Variants in SORT1 observed in about 807,000 individuals in gnomAD.
The protein encoded by SORT1 is sortilin.
In SORT1, 39 loss-of-function variants were observed where a neutral mutation model predicts 101.7. The ratio of observed to expected loss-of-function variants is 0.38; its 90% CI spans 0.30 to 0.50. SORT1 has a LOEUF of 0.50. Among genes scored for constraint, SORT1 ranks in the 20% least tolerant of loss-of-function variants. SORT1 has a pLI of 0.90. For missense variants in SORT1, 878 were observed against 1,040.4 expected (o/e 0.84, Z 2.15); for synonymous variants, 396 against 393.7 (o/e 1.01, Z -0.07).
At chr1:109,352,647 A>G (rs1650042224) in intron 5 of SORT1, among the ~76,000 whole-genome samples, 1 of 152,204 alleles carries the variant, frequency 6.6e-6, no homozygotes, top group Non-Finnish European at 1.5e-5. Context: ...TAATACTCAC[A>G]TCCTAGCATT....
intron 4 of SORT1, 133 bp from the exon 5 acceptor site, chr1:109,354,664 T>A: frequency 1.5e-6 from 1 of 673,294 alleles, no homozygotes. Context: ...TAAAAACTGA[T>A]TAGTTGTTCC....
chr1:109,322,514 C>T (rs965993113), intron 15 of SORT1, among the ~76,000 whole-genome samples: 1 of 152,112 alleles, frequency 6.6e-6, no homozygotes, highest in Non-Finnish European at 1.5e-5. Flanking sequence ...AGCAGTTCTC[C>T]ACTCTTGGGG....
intron 3 of SORT1, among the ~76,000 whole-genome samples, chr1:109,359,820 G>C (rs923179077): frequency 6.6e-6 from 1 of 152,004 alleles, no homozygotes; most frequent in African/African-American, 2.4e-5. Context: ...ACTTGTTCCA[G>C]CATCAACTCT....
chr1:109,338,203 C>T lies in SORT1; in HGVS notation c.1265-1857G>A, dbSNP rs536116580. Among the ~76,000 whole-genome samples the T allele has an allele frequency of 5.3e-5, 8 of 152,176 alleles. No individual in the cohort carries two copies. In the East Asian group the frequency reaches 5.8e-4, roughly 11 times the overall value. On this transcript the variant is annotated intron_variant, in intron 10 of 19. Transcript: ENST00000256637. Reference sequence around the variant, plus strand: ...CATGAGTACAGACATATCAGCCTTGCGGACATCTGGAGAAACAGAGGGAAC... The same window carrying T: ...CATGAGTACAGACATATCAGCCTTGTGGACATCTGGAGAAACAGAGGGAAC...
chr1:109,388,194 A>G (rs1009361094), intron 1 of SORT1, among the ~76,000 whole-genome samples: 1 of 151,438 alleles, frequency 6.6e-6, no homozygotes, highest in African/African-American at 2.4e-5. Context: ...CAGCCTTCCA[A>G]ATAGCTGGAA....
chr1:109,360,410 A>C (rs1650640957), intron 3 of SORT1, among the ~76,000 whole-genome samples: 1 of 152,056 alleles, frequency 6.6e-6, no homozygotes, highest in African/African-American at 2.4e-5. Flanking sequence ...ATAGCTCACT[A>C]TAGCCTAGAA....
Position 109,367,456 on chromosome 1 carries a change from T to C in SORT1, c.392A>G (p.His131Arg), listed in dbSNP as rs1420653212. Reference protein sequence around the residue: ...TGVILVLTTFHVPLVIMTFGQ... With the variant: ...TGVILVLTTFRVPLVIMTFGQ... ...AAAAGTCATAATTACCAGTGGTACA[T>C]GGAAGGTAGTCAAGACTAGAATGAC... The change falls in exon 3 of 20, where the codon CAT (histidine) becomes CGT (arginine). Residue 131 changes from histidine (H) to arginine (R), a missense_variant. Around this residue, in one of 2 missense-constraint regions of SORT1, gnomAD observed 684 missense variants for 894.5 expected, o/e 0.76. Transcript: ENST00000256637. 1 of 1,607,574 alleles carries C rather than the reference T, an allele frequency of 6.2e-7. No homozygotes were observed. Among genetic ancestry groups the C allele is most frequent in the African/African-American group, 1.3e-5 (1 of 74,772 alleles).
Position 109,369,161 on chromosome 1 carries a change from A to C in SORT1, c.366+369T>G, listed in dbSNP as rs1378386292. Reference sequence around the variant, plus strand: ...CATGGTGAAACCTCATCTTCACTAAAAATACAAAAAATCAGCTGTGCATGG... The same window carrying C: ...CATGGTGAAACCTCATCTTCACTAACAATACAAAAAATCAGCTGTGCATGG... On this transcript the variant is annotated intron_variant, in intron 2 of 19. Transcript: ENST00000256637. 3.9e-5 allele frequency among the ~76,000 whole-genome samples: 6 copies of C among 152,108 alleles called. No homozygotes were observed. In the South Asian group the frequency reaches 1.0e-3, roughly 26 times the overall value.
intron 3 of SORT1, among the ~76,000 whole-genome samples, chr1:109,361,447 T>C (rs954931193): frequency 2.0e-5 from 3 of 152,232 alleles, no homozygotes; most frequent in Non-Finnish European, 4.4e-5. Flanking sequence ...TTAGGTATTC[T>C]CTAAGATGGA....
Position 109,369,535 on chromosome 1 carries a change from T to A in SORT1, c.361A>T (p.Thr121Ser). The change falls in exon 2 of 20, where the codon ACT (threonine) becomes TCT (serine). Residue 121 changes from threonine to serine, a missense_variant. Transcript: ENST00000256637. The part of the protein sequence containing the change: ...SVSLSWVGDS[T>S]GVILVLTTFH... ...AGACTCAAAATATGACTTACCCCAG[T>A]GCTATCTCCAACCCAGGACAAGGAT... 1 of 1,599,228 alleles carries A rather than the reference T, an allele frequency of 6.3e-7. No individual in the cohort carries two copies. The highest frequency in any genetic ancestry group is 8.6e-7 in the Non-Finnish European group (1 of 1,166,456).
intron 1 of SORT1, 80 bp downstream of exon 1, chr1:109,397,507 G>A: frequency 1.0e-6 from 1 of 959,654 alleles, no homozygotes. Context: ...TCCTCCGGGA[G>A]TCGCGGGGCG....
At chr1:109,336,951 T>C (rs1276974986) in intron 10 of SORT1, among the ~76,000 whole-genome samples, 1 of 152,206 alleles carries the variant, frequency 6.6e-6, no homozygotes, top group Non-Finnish European at 1.5e-5. Flanking sequence ...CTGATGTCCA[T>C]TCTCCTTCCC....
At chr1:109,314,978 T>C (rs541737422) in intron 17 of SORT1, among the ~76,000 whole-genome samples, 200 bp from the exon 18 acceptor site, 7 of 152,352 alleles carry the variant, frequency 4.6e-5, no homozygotes, top group African/African-American at 1.7e-4. Context: ...AGAGTCATCT[T>C]AGCTCCAACT....
At chr1:109,376,253 C>A (rs1254668700) in intron 1 of SORT1, among the ~76,000 whole-genome samples, 1 of 151,042 alleles carries the variant, frequency 6.6e-6, no homozygotes, top group Non-Finnish European at 1.5e-5. Flanking sequence ...ATGGCGTGAA[C>A]CCGGGAGGCG....
At position 109,397,692 on chromosome 1, in the gene SORT1, G is replaced by GC; in HGVS notation, c.200dup (p.Ala68ArgfsTer39). The GC allele has an allele frequency of 8.4e-7, 1 of 1,190,074 alleles. No homozygotes were observed. The highest frequency in any genetic ancestry group is 2.7e-5 in the South Asian group (1 of 37,640). 73.7% of individuals were successfully genotyped at this position (1,190,074 alleles called of 1,614,324 possible). A position where few individuals can be genotyped will look rare whatever the true frequency, so the allele number is the denominator to read the frequency against. On this transcript the variant is annotated frameshift_variant, in exon 1 of 20. Transcript: ENST00000256637. LOFTEE classifies it high-confidence loss of function. ...GCCAACGGCCGCCGCGGGGAAACGCGCCCCCGGCTGCGGCCGCCCGCAGCC... is the reference window on the plus strand; with the variant it reads ...GCCAACGGCCGCCGCGGGGAAACGCGCCCCCCGGCTGCGGCCGCCCGCAGCC...
At chr1:109,344,156 GC>G (rs1205755589) in intron 8 of SORT1, among the ~76,000 whole-genome samples, 2 of 152,070 alleles carry the variant, frequency 1.3e-5, no homozygotes, top group African/African-American at 4.8e-5. Context: ...CTCACCACCT[GC>G]CCCCTTACCC....
chr1:109,375,029 T>G (rs892932634), intron 1 of SORT1, among the ~76,000 whole-genome samples: 34 of 151,990 alleles, frequency 2.2e-4, no homozygotes, highest in Non-Finnish European at 5.9e-5. Context: ...AAGAGGTGAG[T>G]GTGAACCTGA....
chr1:109,368,844 G>C (rs1379342407), intron 2 of SORT1: 1 of 152,384 alleles, frequency 6.6e-6, no homozygotes, highest in Non-Finnish European at 1.5e-5. Context: ...ACAATTTGGA[G>C]GAAAAGTGCC....
intron 3 of SORT1, among the ~76,000 whole-genome samples, chr1:109,365,096 A>T (rs188645627): frequency 1.3e-5 from 2 of 152,348 alleles, no homozygotes; most frequent in Admixed American, 1.3e-4. Flanking sequence ...ATAAACTGCA[A>T]ACAAATTAAG....
Sources: allele counts gnomAD v4.1 joint callset (sites outside exome capture counted in the v4.1 genomes callset), GRCh38; gene constraint gnomAD v4.1.1; regional missense constraint gnomAD v4.1.1; transcripts MANE v1.5; gene names NCBI Gene and HGNC (gene_info 2026-07-23, HGNC 2026-07-21).